The following TNC variants were observed in gnomAD, a reference collection of about 807,000 sequenced individuals.
TNC encodes tenascin.
TNC carries 109 observed loss-of-function variants against 202.4 expected under a neutral mutation model. The observed-to-expected ratio is 0.54, with a 90% CI of 0.46 to 0.63. The LOEUF (loss-of-function observed/expected upper bound fraction) is 0.63. TNC is among the 30% of genes least tolerant of loss of function. The pLI is 0.00. For synonymous variants in TNC, 1,007 were observed against 1,089.7 expected (o/e 0.92, Z 1.50); for missense variants, 2,756 against 2,833.3 (o/e 0.97, Z 0.62).
At chr9:115,039,968 T>A (rs10982505) in intron 19 of TNC, among the ~76,000 whole-genome samples, 9,012 of 152,358 alleles carry the variant, frequency 0.059, 339 homozygotes, top group Middle Eastern at 0.14. Context: ...AGGATATTTT[T>A]AAAATTTCCT....
At chr9:115,031,483 A>G in intron 23 of TNC, 70 bp downstream of exon 23, 1 of 1,398,506 alleles carries the variant, frequency 7.2e-7, no homozygotes, top group Non-Finnish European at 9.4e-7. Context: ...GTAGAAGTCA[A>G]AGGGGAAGTC....
chr9:115,064,799 T>C lies in TNC; in HGVS notation c.3335A>G (p.Asn1112Ser), dbSNP rs1183974791. The C allele has an allele frequency of 1.2e-6, 2 of 1,614,044 alleles. No individual in the cohort carries two copies. The highest frequency in any genetic ancestry group is 1.1e-5 in the South Asian group (1 of 91,072). Residue 1112 changes from asparagine to serine, a missense_variant, in exon 11 of 28, where the codon AAC becomes AGC. By Grantham distance (46) the Asn-to-Ser change is conservative. This residue lies in a region of TNC where 2,559 missense variants were observed against 2,546.0 expected (regional missense o/e 1.01). Coordinates refer to ENST00000350763, the MANE Select transcript of TNC (RefSeq NM_002160.4). The part of the protein sequence containing the change: ...EHFIIQVQEA[N>S]KVEAARNLTV... ...GAGGTTCCGAGCTGCCTCCACCTTG[T>C]TGGCCTCCTGCACCTGAATGATAAA...
At position 115,084,287 on chromosome 9, in the gene TNC, C is replaced by G. The variant is rs1307483252; in HGVS notation, c.2053G>C (p.Gly685Arg). The G allele has an allele frequency of 1.2e-6, 2 of 1,614,134 alleles. No individual in the cohort carries two copies. Among genetic ancestry groups the G allele is most frequent in the Non-Finnish European group, 1.7e-6 (2 of 1,180,018 alleles). ...TSTIIQELEP[G>R]VEYFIRVFAI... The stretch of plus-strand genomic sequence containing the variant: ...AATACACGGATAAAGTACTCCACAC[C>G]AGGCTCCAGCTCCTGGATGATGGTG... The change falls in exon 4 of 28, where the codon GGT becomes CGT. Residue 685 changes from glycine (G) to arginine (R), a missense_variant. Coordinates refer to ENST00000350763, the MANE Select transcript of TNC (RefSeq NM_002160.4).
chr9:115,023,003 C>T (rs1829198367), intron 27 of TNC, among the ~76,000 whole-genome samples: 1 of 151,222 alleles, frequency 6.6e-6, no homozygotes, highest in Non-Finnish European at 1.5e-5. Flanking sequence ...AACTGCCTCC[C>T]CCCTGACCCC....
Position 115,062,923 on chromosome 9 carries a change from C to A in TNC, c.4027G>T (p.Val1343Phe). The A allele has an allele frequency of 6.2e-7, 1 of 1,612,602 alleles. No individual in the cohort carries two copies. The part of the protein sequence containing the change: ...HSTRPLAVEV[V>F]TEDLPQLGDL... ...TGGGAGGAGGGTCATATACCTGTGA[C>A]GACCTCTACAGCAAGGGGTCGAGTG... The change falls in exon 13 of 28, where the codon GTC becomes TTC. Residue 1343 changes from valine (V) to phenylalanine (F), a missense_variant. By Grantham distance (50) the Val-to-Phe change is conservative (BLOSUM62 -1). Coordinates refer to ENST00000350763, the MANE Select transcript of TNC (RefSeq NM_002160.4).
intron 1 of TNC, among the ~76,000 whole-genome samples, chr9:115,105,904 G>A (rs751633881): frequency 1.3e-5 from 2 of 152,146 alleles, no homozygotes; most frequent in Non-Finnish European, 2.9e-5. Flanking sequence ...TCTCGAAGAA[G>A]GGGACAGTTT....
intron 26 of TNC, among the ~76,000 whole-genome samples, chr9:115,025,132 A>C (rs1021469277): frequency 2.6e-5 from 4 of 152,238 alleles, no homozygotes; most frequent in African/African-American, 9.6e-5. Context: ...ATTATGGCTC[A>C]TTCCTCAATG....
chr9:115,047,502 C>T (rs1400347551), intron 16 of TNC, among the ~76,000 whole-genome samples: 1 of 152,116 alleles, frequency 6.6e-6, no homozygotes, highest in Non-Finnish European at 1.5e-5. Context: ...AAAATACTGC[C>T]TGGATAAGTA....
chr9:115,081,602 A>G (rs974376466), intron 6 of TNC, among the ~76,000 whole-genome samples, 170 bp downstream of exon 6: 4 of 152,160 alleles, frequency 2.6e-5, no homozygotes, highest in Non-Finnish European at 5.9e-5. Flanking sequence ...CCAAACCCAA[A>G]TCACCAACAT....
At chr9:115,040,173 T>G (rs1830622301) in intron 19 of TNC, among the ~76,000 whole-genome samples, 3 of 152,222 alleles carry the variant, frequency 2.0e-5, no homozygotes, top group Non-Finnish European at 4.4e-5. Context: ...ACTCTTTATT[T>G]TAGAAGGATA....
chr9:115,035,103 T>C (rs1016265154), intron 22 of TNC, 101 bp downstream of exon 22: 11 of 1,356,600 alleles, frequency 8.1e-6, no homozygotes, highest in Admixed American at 2.5e-5. Context: ...GCTCCCCAGA[T>C]GCACTGGGGT....
At chr9:115,108,706 C>G (rs993674701) in intron 1 of TNC, among the ~76,000 whole-genome samples, 1 of 152,172 alleles carries the variant, frequency 6.6e-6, no homozygotes, top group Non-Finnish European at 1.5e-5. Context: ...ACATAATCAC[C>G]AGTGTGACAA....
rs149204051 is a variant in TNC, at chr9:115,038,379, A to G, written c.5394T>C (p.Ala1798=). The change falls in exon 20 of 28, where the codon GCT becomes GCC. Residue 1798 remains alanine, a splice_region_variant and synonymous_variant. Transcript: ENST00000350763. The stretch of plus-strand genomic sequence containing the variant: ...TCACCAGGCCAGATGGGCCATCCAG[A>G]GCTGCAAAGAAAGATGGTGGACAGG... ...SEPVSGSFTT[A]LDGPSGLVTA... is the part of the protein sequence containing the mutation. 145 of 1,613,758 alleles carry G rather than the reference A, an allele frequency of 9.0e-5. No individual in the cohort carries two copies. The highest frequency in any genetic ancestry group is 1.2e-4 in the Non-Finnish European group (137 of 1,179,838).
At chr9:115,022,097 A>G (rs1054540526) in intron 27 of TNC, among the ~76,000 whole-genome samples, 1 of 152,236 alleles carries the variant, frequency 6.6e-6, no homozygotes, top group Non-Finnish European at 1.5e-5. Flanking sequence ...GAGTCAATCC[A>G]TGAAACCCCA....
In TNC at chr9:115,020,629, T is replaced by TTCA. The variant is rs758727762; in HGVS notation, c.*525_*527dup. On this transcript the variant is annotated 3_prime_UTR_variant, in exon 28 of 28. Transcript: ENST00000350763. ...AAGATCTCTTGAAAAATCCTTAGTT[T>TTCA]TCATCATCATCATCATCATTATTAT... 79 of 363,350 alleles carry TTCA rather than the reference T, an allele frequency of 2.2e-4. 1 individual carries two copies. Among genetic ancestry groups the TTCA allele is most frequent in the South Asian group, 1.2e-3 (52 of 43,886 alleles). The allele number at this position is 363,350 out of a possible 1,614,324, so 22.5% of individuals were successfully genotyped here.
intron 1 of TNC, among the ~76,000 whole-genome samples, chr9:115,104,328 G>GA (rs2134120523): frequency 6.6e-6 from 1 of 152,310 alleles, no homozygotes; most frequent in Non-Finnish European, 1.5e-5. Context: ...ATTACAGACA[G>GA]ACTTACAACA....
chr9:115,098,590 G>T (rs1337693010), intron 1 of TNC, among the ~76,000 whole-genome samples: 2 of 152,178 alleles, frequency 1.3e-5, no homozygotes, highest in Non-Finnish European at 2.9e-5. Context: ...AGTTACTTAT[G>T]ATTTCATTTT....
At chr9:115,063,335 C>T in intron 12 of TNC, 146 bp from the exon 13 acceptor site, 1 of 840,254 alleles carries the variant, frequency 1.2e-6, no homozygotes, top group Non-Finnish European at 1.8e-6. Context: ...GTGTTGAGCA[C>T]ACTCAAACTG....
chr9:115,076,455 C>A lies in TNC; in HGVS notation c.2795G>T (p.Gly932Val), dbSNP rs766474182. The A allele has an allele frequency of 5.6e-6, 9 of 1,614,052 alleles. No homozygotes were observed. Among genetic ancestry groups the A allele is most frequent in the Non-Finnish European group, 7.6e-6 (9 of 1,180,044 alleles). Residue 932 changes from glycine to valine, a missense_variant, in exon 8 of 28, where the codon GGA becomes GTA. Gly to Val is a moderately radical substitution (Grantham distance 109, BLOSUM62 -3). Coordinates refer to ENST00000350763, the MANE Select transcript of TNC (RefSeq NM_002160.4). Reference sequence around the variant, plus strand: ...AACATCAACCTCAGCGTGGTCCCCTCCAGAGATGGGGGCATACTTAATTCT... The same window carrying A: ...AACATCAACCTCAGCGTGGTCCCCTACAGAGATGGGGGCATACTTAATTCT... ...SYRIKYAPIS[G>V]GDHAEVDVPK... is the part of the protein sequence containing the mutation.
Sources: gnomAD v4.1 joint callset for allele counts (sites outside exome capture counted in the v4.1 genomes callset) on GRCh38, gnomAD v4.1.1 for gene constraint, gnomAD v4.1.1 regional missense constraint, MANE v1.5 for transcripts, NCBI Gene and HGNC (gene_info 2026-07-23, HGNC 2026-07-21) for gene names.